Variants in GRK7 observed in about 807,000 individuals in gnomAD.
GRK7 encodes G protein-coupled receptor kinase 7, also known as rhodopsin kinase GRK7.
In GRK7, 24 loss-of-function variants were observed where a neutral mutation model predicts 34.1. That is an observed-to-expected ratio of 0.70 (90% CI 0.51 to 0.99). GRK7 has a LOEUF of 0.99. Ranked by LOEUF, GRK7 falls within the 50% of genes least tolerant of loss-of-function variation. The probability of loss-of-function intolerance (pLI) is 0.00; values close to 1 mark genes in which losing one functional copy is unlikely to be tolerated. For synonymous variants in GRK7, 256 were observed against 279.4 expected (o/e 0.92, Z 0.84); for missense variants, 644 against 707.3 (o/e 0.91, Z 1.02).
rs939047793 is a variant in GRK7 at position 141,764,536 on chromosome 3, C to A, written c.-1417C>A. On this transcript the variant is annotated 5_prime_UTR_variant, in exon 1 of 6. It adds an upstream start codon to the 5' untranslated region. Coordinates refer to ENST00000682958, the MANE Select transcript of GRK7 (RefSeq NM_139209.3). ...TCCCTTGATATCCAGGATCCACATT[C>A]TGTCTCTCCTAATACCCCACTGCCC... is the stretch of plus-strand genomic sequence containing the variant. Among the ~76,000 whole-genome samples the A allele has an allele frequency of 6.6e-6, 1 of 152,182 alleles. No homozygotes were observed. Among genetic ancestry groups the A allele is most frequent in the Non-Finnish European group, 1.5e-5 (1 of 68,030 alleles).
the GRK7 span, among the ~76,000 whole-genome samples, chr3:141,751,236 A>G: frequency 6.6e-6 from 1 of 152,076 alleles, no homozygotes; most frequent in Non-Finnish European, 1.5e-5. Flanking sequence ...CTTCATTGTA[A>G]ATTAACCTCT....
chr3:141,813,504 A>G (rs945605486), intron 5 of GRK7, among the ~76,000 whole-genome samples: 13 of 152,208 alleles, frequency 8.5e-5, no homozygotes, highest in African/African-American at 3.1e-4. Flanking sequence ...TGTAAACCAC[A>G]CAGACACTGG....
At position 141,780,380 on chromosome 3, in the gene GRK7, G is replaced by A. The variant is rs2084665805; in HGVS notation, c.619G>A (p.Ala207Thr). The change falls in exon 4 of 6, where the codon GCC (alanine) becomes ACC (threonine). Residue 207 changes from alanine to threonine, a missense_variant. Transcript: ENST00000682958. ...CTTTTCTTTCTCCTTTAAGGTATGT[G>A]CCGTCCAGGTGAAAAACACTGGGAA... ...LGKGGFGEVC[A>T]VQVKNTGKMY... 2 of 1,613,730 alleles carry A rather than the reference G, an allele frequency of 1.2e-6. No individual in the cohort carries two copies. Among genetic ancestry groups the A allele is most frequent in the East Asian group, 2.2e-5 (1 of 44,882 alleles).
chr3:141,762,981 C>G (rs1054039659), upstream of GRK7, among the ~76,000 whole-genome samples: 1 of 152,160 alleles, frequency 6.6e-6, no homozygotes, highest in African/African-American at 2.4e-5. Context: ...CGCCCTGCTT[C>G]GGCTCGCGCC....
At chr3:141,806,284 C>G (rs1711035011) in intron 4 of GRK7, among the ~76,000 whole-genome samples, 1 of 152,128 alleles carries the variant, frequency 6.6e-6, no homozygotes, top group Admixed American at 6.6e-5. Context: ...CCGAGTCGGC[C>G]AGGCACGGTG....
the GRK7 span, among the ~76,000 whole-genome samples, chr3:141,757,147 C>CTTTTTTTT: frequency 1.1e-5 from 1 of 89,456 alleles, no homozygotes; most frequent in African/African-American, 4.7e-5. Context: ...TTTTTTTTTT[C>CTTTTTTTT]TTTTTTTTTT....
chr3:141,783,021 T>A (rs1446633794), intron 4 of GRK7, among the ~76,000 whole-genome samples: 1 of 152,236 alleles, frequency 6.6e-6, no homozygotes, highest in Non-Finnish European at 1.5e-5. Flanking sequence ...GGGATCTGCA[T>A]CTTTATAATT....
At chr3:141,795,136 CT>C (rs2084742749) in intron 4 of GRK7, among the ~76,000 whole-genome samples, 1 of 152,176 alleles carries the variant, frequency 6.6e-6, no homozygotes, top group Non-Finnish European at 1.5e-5. Flanking sequence ...CAAGCTAAGA[CT>C]TAAAAGACAT....
At chr3:141,791,351 G>A (rs1463717497) in intron 4 of GRK7, among the ~76,000 whole-genome samples, 1 of 151,902 alleles carries the variant, frequency 6.6e-6, no homozygotes, top group Non-Finnish European at 1.5e-5. Flanking sequence ...TCATGACCAT[G>A]CCCCCCAGTT....
chr3:141,803,292 C>T (rs563457844), intron 4 of GRK7, among the ~76,000 whole-genome samples: 2 of 146,266 alleles, frequency 1.4e-5, no homozygotes, highest in African/African-American at 2.5e-5. Context: ...AAAAGCCAGG[C>T]GTGGTGGTGC....
chr3:141,783,527 T>A (rs2107880274), intron 4 of GRK7, among the ~76,000 whole-genome samples: 1 of 152,226 alleles, frequency 6.6e-6, no homozygotes. Context: ...GTGGTCAAAG[T>A]GTCAAGTGTT....
intron 4 of GRK7, among the ~76,000 whole-genome samples, chr3:141,796,656 G>A (rs1446020857): frequency 6.6e-6 from 1 of 152,172 alleles, no homozygotes; most frequent in Non-Finnish European, 1.5e-5. Flanking sequence ...CAGCTGTGTG[G>A]GGTTTCATTT....
chr3:141,762,823 C>G (rs1263769073), upstream of GRK7, among the ~76,000 whole-genome samples: 2 of 152,250 alleles, frequency 1.3e-5, no homozygotes, highest in East Asian at 3.9e-4. Context: ...GGGATATAAT[C>G]TCGTGGTGTG....
chr3:141,753,978 G>A, the GRK7 span, among the ~76,000 whole-genome samples: 3 of 152,202 alleles, frequency 2.0e-5, no homozygotes, highest in South Asian at 6.2e-4. Flanking sequence ...TCTCAATACT[G>A]GGGTTCCTTG....
At chr3:141,802,331 G>T (rs1041448179) in intron 4 of GRK7, among the ~76,000 whole-genome samples, 2 of 150,254 alleles carry the variant, frequency 1.3e-5, no homozygotes, top group African/African-American at 4.9e-5. Flanking sequence ...TCCAACCTGG[G>T]TGACAGACTG....
intron 4 of GRK7, among the ~76,000 whole-genome samples, chr3:141,792,002 T>TAAAA (rs11324121): frequency 4.9e-5 from 4 of 81,500 alleles, no homozygotes; most frequent in Non-Finnish European, 6.9e-5. Context: ...AGACTCCATC[T>TAAAA]AAAAAAAAAA....
chr3:141,797,652 G>A (rs1710906028), intron 4 of GRK7, among the ~76,000 whole-genome samples: 1 of 152,114 alleles, frequency 6.6e-6, no homozygotes, highest in Admixed American at 6.5e-5. Context: ...GGGGGAAGAG[G>A]CATCCGCGGG....
intron 2 of GRK7, among the ~76,000 whole-genome samples, chr3:141,776,685 G>A (rs1255284171): frequency 6.6e-6 from 1 of 152,176 alleles, no homozygotes; most frequent in African/African-American, 2.4e-5. Context: ...TGTGCTCTAG[G>A]GGAACAGTCG....
rs1711164133 is a variant in GRK7, at chr3:141,817,153, G to A, written c.*103G>A. 3.6e-6 allele frequency: 3 copies of A among 836,232 alleles called. No homozygotes were observed. The highest frequency in any genetic ancestry group is 5.6e-6 in the Non-Finnish European group (3 of 539,612). The allele number at this position is 836,232 out of a possible 1,614,324, so 51.8% of individuals were successfully genotyped here. On this transcript the variant is annotated 3_prime_UTR_variant, in exon 6 of 6. Transcript: ENST00000682958. ...GAATGAGGGCTAATCAGTTAGGAGGGACATCACAACCACAAAACAATTCAA... is the reference window on the plus strand; with the variant it reads ...GAATGAGGGCTAATCAGTTAGGAGGAACATCACAACCACAAAACAATTCAA...
Sources: allele counts gnomAD v4.1 joint callset (sites outside exome capture counted in the v4.1 genomes callset), GRCh38; gene constraint gnomAD v4.1.1; transcripts MANE v1.5; gene names NCBI Gene and HGNC (gene_info 2026-07-23, HGNC 2026-07-21).